Variants in CSMD1 observed in about 807,000 individuals in gnomAD.
The protein encoded by CSMD1 is CUB and Sushi multiple domains 1.
CSMD1 carries 213 observed loss-of-function variants against 417.5 expected under a neutral mutation model. The ratio of observed to expected loss-of-function variants is 0.51; its 90% CI spans 0.46 to 0.57. CSMD1 has a LOEUF of 0.57. Ranked by LOEUF, CSMD1 falls within the 20% of genes least tolerant of loss-of-function variation. The pLI, the probability that CSMD1 is intolerant of heterozygous loss-of-function variation, is 0.00. For synonymous variants in CSMD1, 2,862 were observed against 1,736.8 expected (o/e 1.65, Z -16.11); for missense variants, 6,923 against 4,529.7 (o/e 1.53, Z -15.17).
At chr8:4,382,354 C>G (rs1323854770) in intron 3 of CSMD1, among the ~76,000 whole-genome samples, 1 of 152,166 alleles carries the variant, frequency 6.6e-6, no homozygotes, top group Non-Finnish European at 1.5e-5. Context: ...ACTGGTCGAC[C>G]AATGACACAC....
intron 1 of CSMD1, among the ~76,000 whole-genome samples, chr8:4,693,711 G>T (rs767448307): frequency 6.6e-6 from 1 of 152,072 alleles, no homozygotes; most frequent in Non-Finnish European, 1.5e-5. Context: ...CGCTTCCCAG[G>T]CTGGAGTACA....
intron 6 of CSMD1, among the ~76,000 whole-genome samples, chr8:3,753,334 G>C (rs889386010): frequency 6.6e-6 from 1 of 152,112 alleles, no homozygotes; most frequent in African/African-American, 2.4e-5. Context: ...GAAACATACA[G>C]GAAATGATAC....
chr8:4,086,424 A>T (rs1395015430), intron 3 of CSMD1, among the ~76,000 whole-genome samples: 1 of 152,198 alleles, frequency 6.6e-6, no homozygotes, highest in African/African-American at 2.4e-5. Flanking sequence ...TTTGAAAATC[A>T]TATTTTCTTA....
intron 50 of CSMD1, among the ~76,000 whole-genome samples, chr8:3,044,289 T>C (rs777715921): frequency 6.6e-6 from 1 of 152,218 alleles, no homozygotes; most frequent in Non-Finnish European, 1.5e-5. Context: ...TATTTATTTA[T>C]TTTCTTGTTG....
At chr8:4,799,873 TCAAA>T (rs945425059) in intron 1 of CSMD1, among the ~76,000 whole-genome samples, 1 of 152,046 alleles carries the variant, frequency 6.6e-6, no homozygotes, top group Non-Finnish European at 1.5e-5. Flanking sequence ...AAGAAAGTAC[TCAAA>T]CATTCAACAG....
chr8:2,976,176 T>C (rs1804906407), intron 55 of CSMD1, among the ~76,000 whole-genome samples: 2 of 151,712 alleles, frequency 1.3e-5, no homozygotes. Flanking sequence ...GAATTTGAGA[T>C]GAGTTTCTGT....
intron 1 of CSMD1, among the ~76,000 whole-genome samples, chr8:4,980,294 AG>A (rs1229356830): frequency 6.6e-6 from 1 of 152,126 alleles, no homozygotes; most frequent in Non-Finnish European, 1.5e-5. Context: ...CTCTTCCCAG[AG>A]TGTAGCCACA....
intron 5 of CSMD1, among the ~76,000 whole-genome samples, chr8:3,798,460 C>T (rs540759664): frequency 9.8e-4 from 149 of 151,908 alleles, no homozygotes; most frequent in Non-Finnish European, 1.1e-3. Context: ...ATTTCAGGAA[C>T]CACTTGATTC....
intron 12 of CSMD1, among the ~76,000 whole-genome samples, chr8:3,413,577 T>C (rs532628063): frequency 3.0e-4 from 45 of 152,354 alleles, no homozygotes; most frequent in Admixed American, 1.4e-3. Flanking sequence ...AGAAGAAATG[T>C]AAGCATGTTT....
chr8:4,792,583 T>C (rs1382754788), intron 1 of CSMD1, among the ~76,000 whole-genome samples: 1 of 152,172 alleles, frequency 6.6e-6, no homozygotes, highest in Non-Finnish European at 1.5e-5. Context: ...AGCACGTCCA[T>C]GCAAGAAACT....
intron 1 of CSMD1, among the ~76,000 whole-genome samples, chr8:4,871,796 T>C (rs1802754191): frequency 6.6e-6 from 1 of 152,152 alleles, no homozygotes; most frequent in African/African-American, 2.4e-5. Context: ...GATTGTACAC[T>C]TTTGAAAAAC....
At chr8:3,228,529 C>G (rs1449263114) in intron 27 of CSMD1, among the ~76,000 whole-genome samples, 3 of 152,142 alleles carry the variant, frequency 2.0e-5, no homozygotes, top group Admixed American at 2.0e-4. Context: ...AGCTGACATT[C>G]AAGGTAGAGA....
intron 1 of CSMD1, among the ~76,000 whole-genome samples, chr8:4,897,212 C>G (rs1263021146): frequency 1.3e-5 from 2 of 152,054 alleles, no homozygotes; most frequent in African/African-American, 4.8e-5. Context: ...ATAAAACTCA[C>G]AACACGTCTG....
At position 3,796,358 on chromosome 8, in the gene CSMD1, G is replaced by A. The variant is rs188888994; in HGVS notation, c.819-42316C>T. On this transcript the variant is annotated intron_variant, in intron 5 of 69. Transcript: ENST00000635120. ...TATAGATATATATCTATCATGTATA[G>A]ATATAGATATCTATCATGTATATAT... Among the ~76,000 whole-genome samples the A allele has an allele frequency of 4.8e-3, 465 of 96,114 alleles. 134 individuals carry two copies. Among genetic ancestry groups the A allele is most frequent in the Non-Finnish European group, 6.7e-3 (327 of 48,502 alleles). The allele number at this position is 96,114 out of a possible 152,430, so 63.1% of individuals were successfully genotyped here.
chr8:3,645,519 A>G (rs904120984), intron 7 of CSMD1, among the ~76,000 whole-genome samples: 1 of 152,090 alleles, frequency 6.6e-6, no homozygotes, highest in African/African-American at 2.4e-5. Flanking sequence ...GAAGGGGAGG[A>G]TGTGTGGTCA....
At chr8:4,220,210 C>A (rs138450914) in intron 3 of CSMD1, among the ~76,000 whole-genome samples, 2 of 152,332 alleles carry the variant, frequency 1.3e-5, no homozygotes, top group African/African-American at 4.8e-5. Context: ...CTTCGCCTCT[C>A]AGAGTGCCGG....
intron 10 of CSMD1, among the ~76,000 whole-genome samples, chr8:3,518,320 C>T (rs1001689714): frequency 6.6e-6 from 1 of 152,180 alleles, no homozygotes; most frequent in African/African-American, 2.4e-5. Flanking sequence ...ACGCAAATTC[C>T]TCTGGAGCTT....
chr8:2,944,193 A>G (rs1258438044), intron 68 of CSMD1, among the ~76,000 whole-genome samples: 1 of 152,220 alleles, frequency 6.6e-6, no homozygotes, highest in Non-Finnish European at 1.5e-5. Context: ...CACCCAGGTT[A>G]TGGACGTGCA....
rs951370848 is a variant in CSMD1 at position 4,407,972 on chromosome 8, G to A, written c.415+11981C>T. 2.6e-5 allele frequency among the ~76,000 whole-genome samples: 4 copies of A among 151,970 alleles called. No individual in the cohort carries two copies. In the South Asian group the frequency reaches 6.2e-4, roughly 24 times the overall value. On this transcript the variant is annotated intron_variant, in intron 3 of 69. Coordinates refer to ENST00000635120, the MANE Select transcript of CSMD1 (RefSeq NM_033225.6). Reference sequence around the variant, plus strand: ...TCCCATTTGTTATCCTCCTACACCCGGCAAAAATCACAGGAGAAAACTGCA... The same window carrying A: ...TCCCATTTGTTATCCTCCTACACCCAGCAAAAATCACAGGAGAAAACTGCA...
Sources: allele counts gnomAD v4.1 joint callset (sites outside exome capture counted in the v4.1 genomes callset), GRCh38; gene constraint gnomAD v4.1.1; transcripts MANE v1.5; gene names NCBI Gene and HGNC (gene_info 2026-07-23, HGNC 2026-07-21).